Variants in CEP63 observed in about 807,000 individuals in gnomAD.
CEP63 encodes the protein centrosomal protein of 63 kDa.
In CEP63, 84 loss-of-function variants were observed where a neutral mutation model predicts 89.1. The ratio of observed to expected loss-of-function variants is 0.94; its 90% CI spans 0.79 to 1.13. CEP63 has a LOEUF of 1.13. Ranked by LOEUF, CEP63 falls within the 50% of genes most tolerant of loss-of-function variation. The pLI is 0.00. For missense variants in CEP63, 838 were observed against 813.3 expected (o/e 1.03, Z -0.37); for synonymous variants, 267 against 272.5 (o/e 0.98, Z 0.20).
chr3:134,653,118 A>G, the CEP63 span, among the ~76,000 whole-genome samples: 1 of 152,148 alleles, frequency 6.6e-6, no homozygotes, highest in Non-Finnish European at 1.5e-5. Flanking sequence ...TCTCTCTGCT[A>G]TGTCTGAAGA....
chr3:134,691,653 C>G, the CEP63 span, among the ~76,000 whole-genome samples: 1 of 152,094 alleles, frequency 6.6e-6, no homozygotes, highest in Non-Finnish European at 1.5e-5. Context: ...TAAAAACAGG[C>G]ATAACAAATC....
the CEP63 span, among the ~76,000 whole-genome samples, chr3:134,676,232 G>C: frequency 2.0e-5 from 3 of 152,272 alleles, no homozygotes; most frequent in East Asian, 5.8e-4. Flanking sequence ...CCATACAATG[G>C]AATATATTTA....
the CEP63 span, among the ~76,000 whole-genome samples, chr3:134,652,431 T>C: frequency 2.6e-5 from 4 of 152,030 alleles, no homozygotes; most frequent in Non-Finnish European, 1.5e-5. Flanking sequence ...TGTTGTCTTA[T>C]TGCATTACCA....
At chr3:134,502,940 A>G (rs1360929444) in intron 2 of CEP63, among the ~76,000 whole-genome samples, 2 of 152,012 alleles carry the variant, frequency 1.3e-5, no homozygotes, top group Non-Finnish European at 2.9e-5. Flanking sequence ...TTTCCTCTTA[A>G]CATGGCAAAG....
At chr3:134,716,397 G>C in the CEP63 span, among the ~76,000 whole-genome samples, 10,967 of 152,214 alleles carry the variant, frequency 0.072, 728 homozygotes, top group African/African-American at 0.18. Context: ...TCATAGTCCT[G>C]TAGGTATGAC....
chr3:134,512,075 C>G (rs1559906833), intron 3 of CEP63, among the ~76,000 whole-genome samples: 1 of 152,146 alleles, frequency 6.6e-6, no homozygotes, highest in East Asian at 1.9e-4. Flanking sequence ...ACAGCTAAAA[C>G]TGTTAACAGC....
At chr3:134,493,803 G>A (rs1184824061) in intron 1 of CEP63, among the ~76,000 whole-genome samples, 1 of 152,072 alleles carries the variant, frequency 6.6e-6, no homozygotes, top group East Asian at 1.9e-4. Context: ...CTAGTTGTTA[G>A]TACAACATTG....
the CEP63 span, among the ~76,000 whole-genome samples, chr3:134,626,572 G>A: frequency 2.6e-5 from 4 of 152,184 alleles, no homozygotes; most frequent in Non-Finnish European, 5.9e-5. Context: ...TTGCCCACAC[G>A]TCGTCAGGGC....
the CEP63 span, among the ~76,000 whole-genome samples, chr3:134,729,787 C>A: frequency 6.6e-6 from 1 of 152,170 alleles, no homozygotes; most frequent in African/African-American, 2.4e-5. Flanking sequence ...AGGGTCAGAG[C>A]CCATGCTTTT....
At chr3:134,497,501 A>G (rs1048971905) in intron 2 of CEP63, among the ~76,000 whole-genome samples, 4 of 152,024 alleles carry the variant, frequency 2.6e-5, no homozygotes, top group Non-Finnish European at 5.9e-5. Context: ...TGTCCCAAGT[A>G]TCTGGGACCA....
At chr3:134,509,364 C>T (rs1440492346) in intron 3 of CEP63, among the ~76,000 whole-genome samples, 1 of 152,188 alleles carries the variant, frequency 6.6e-6, no homozygotes, top group African/African-American at 2.4e-5. Context: ...GTGGGGACAT[C>T]TGCCCCCATG....
the CEP63 span, among the ~76,000 whole-genome samples, chr3:134,701,612 C>T: frequency 2.6e-5 from 4 of 151,680 alleles, no homozygotes; most frequent in Non-Finnish European, 5.9e-5. Flanking sequence ...AAACCCATGG[C>T]CAGTATCATA....
chr3:134,606,309 A>C, the CEP63 span, among the ~76,000 whole-genome samples: 1 of 152,148 alleles, frequency 6.6e-6, no homozygotes, highest in Non-Finnish European at 1.5e-5. Context: ...GGCTCACGGC[A>C]GAGCCCTCAA....
the CEP63 span, among the ~76,000 whole-genome samples, chr3:134,745,354 C>A: frequency 6.6e-6 from 1 of 152,302 alleles, no homozygotes; most frequent in South Asian, 2.1e-4. Flanking sequence ...CCAACCTGTT[C>A]ATCTTGTATG....
the CEP63 span, among the ~76,000 whole-genome samples, chr3:134,777,601 G>T: frequency 5.4e-3 from 702 of 129,448 alleles, 4 homozygotes; most frequent in African/African-American, 0.02. Flanking sequence ...ACCTTTGAAA[G>T]AATAGAATTT....
At chr3:134,690,250 G>A in the CEP63 span, among the ~76,000 whole-genome samples, 1 of 152,026 alleles carries the variant, frequency 6.6e-6, no homozygotes, top group East Asian at 1.9e-4. Flanking sequence ...TAAATTGCTG[G>A]GAAGATAAAA....
At chr3:134,754,897 G>A in the CEP63 span, among the ~76,000 whole-genome samples, 1 of 152,098 alleles carries the variant, frequency 6.6e-6, no homozygotes, top group Admixed American at 6.5e-5. Context: ...CCTCCAGAGG[G>A]CTAGGAGGGA....
Position 134,561,626 on chromosome 3 carries a change from A to T in CEP63, c.*91A>T. The T allele has an allele frequency of 6.5e-7, 1 of 1,530,956 alleles. No individual in the cohort carries two copies. Among genetic ancestry groups the T allele is most frequent in the Non-Finnish European group, 8.8e-7 (1 of 1,140,490 alleles). The allele number at this position is 1,530,956 out of a possible 1,614,324, so 94.8% of individuals were successfully genotyped here. ...AGCAGCTCTTTAAAAACATGAAGAGATAAAATTATAAAAATGATACATCTA... is the reference window on the plus strand; with the variant it reads ...AGCAGCTCTTTAAAAACATGAAGAGTTAAAATTATAAAAATGATACATCTA... On this transcript the variant is annotated 3_prime_UTR_variant, in exon 15 of 15. Coordinates refer to ENST00000675561, the MANE Select transcript of CEP63 (RefSeq NM_001353108.3).
the CEP63 span, among the ~76,000 whole-genome samples, chr3:134,621,106 TAGCCAGGC>T: frequency 6.6e-6 from 1 of 152,192 alleles, no homozygotes; most frequent in Admixed American, 6.5e-5. Context: ...ATCTGGGGGC[TAGCCAGGC>T]AGGCATCTGG....
Sources: gnomAD v4.1 joint callset for allele counts (sites outside exome capture counted in the v4.1 genomes callset) on GRCh38, gnomAD v4.1.1 for gene constraint, MANE v1.5 for transcripts, NCBI Gene and HGNC (gene_info 2026-07-23, HGNC 2026-07-21) for gene names.